Variants in GRID2 observed in about 807,000 individuals in gnomAD.
The protein encoded by GRID2 is glutamate ionotropic receptor delta type subunit 2, also known as glutamate receptor ionotropic, delta-2.
Under a neutral mutation model 114.8 loss-of-function variants are expected in GRID2, and 33 were observed. The observed-to-expected ratio is 0.29, with a 90% CI of 0.22 to 0.38. The LOEUF (loss-of-function observed/expected upper bound fraction) is 0.38, where lower values mean the gene tolerates loss of function less well. Ranked by LOEUF, GRID2 falls within the 10% of genes least tolerant of loss-of-function variation. The probability of loss-of-function intolerance (pLI) is 1.00; values close to 1 mark genes in which losing one functional copy is unlikely to be tolerated. For synonymous variants in GRID2, 505 were observed against 449.9 expected, an observed-to-expected ratio of 1.12 and a Z score of -1.55; for missense variants, 1,184 against 1,257.7, an observed-to-expected ratio of 0.94 and a Z score of 0.89.
At chr4:92,885,838 C>A (rs1176829737) in intron 2 of GRID2, among the ~76,000 whole-genome samples, 3 of 152,108 alleles carry the variant, frequency 2.0e-5, no homozygotes, top group African/African-American at 7.2e-5. Flanking sequence ...TGGAAATAGC[C>A]CAAGTGGTGG....
chr4:93,399,845 T>C (rs188067123), intron 9 of GRID2, among the ~76,000 whole-genome samples: 1 of 152,154 alleles, frequency 6.6e-6, no homozygotes, highest in East Asian at 1.9e-4. Context: ...AAAGTTAGTC[T>C]TTCAGGACAC....
At chr4:93,660,512 T>C (rs2149736464) in intron 14 of GRID2, among the ~76,000 whole-genome samples, 1 of 152,310 alleles carries the variant, frequency 6.6e-6, no homozygotes, top group East Asian at 1.9e-4. Flanking sequence ...TTGAATCTTC[T>C]GTAAAGAAAT....
chr4:93,061,133 A>AATAAATAC (rs1377593410), intron 2 of GRID2, among the ~76,000 whole-genome samples: 1 of 124,200 alleles, frequency 8.1e-6, no homozygotes, highest in Non-Finnish European at 1.7e-5. Flanking sequence ...TAAATAAATA[A>AATAAATAC]ATAAATAAAT....
intron 2 of GRID2, among the ~76,000 whole-genome samples, chr4:92,992,799 A>G (rs1475275258): frequency 6.6e-6 from 1 of 152,116 alleles, no homozygotes; most frequent in East Asian, 1.9e-4. Context: ...TATTAAACTT[A>G]TATTTGAGAT....
Position 93,110,740 on chromosome 4 carries a change from G to A in GRID2, c.530-8G>A. ...ACAGGTATTTTGATGGGCTTTTGAT[G>A]TTTCCAGATATCCGTGGAATACAGG... On this transcript the variant is annotated splice_polypyrimidine_tract_variant and splice_region_variant and intron_variant, in intron 3 of 15. Coordinates refer to ENST00000282020, the MANE Select transcript of GRID2 (RefSeq NM_001510.4). 6.3e-7 allele frequency: 1 copy of A among 1,588,478 alleles called. No individual in the cohort carries two copies. The highest frequency in any genetic ancestry group is 8.6e-7 in the Non-Finnish European group (1 of 1,156,570).
At chr4:92,599,765 G>A (rs888225232) in intron 2 of GRID2, among the ~76,000 whole-genome samples, 6 of 151,716 alleles carry the variant, frequency 4.0e-5, no homozygotes, top group African/African-American at 7.3e-5. Context: ...CGTGGCTCAC[G>A]CCTGTAATCC....
intron 8 of GRID2, among the ~76,000 whole-genome samples, chr4:93,347,813 C>T (rs1003635584): frequency 2.0e-5 from 3 of 152,138 alleles, no homozygotes; most frequent in Non-Finnish European, 2.9e-5. Context: ...CAGGCAGTTG[C>T]ACTCCAGAGT....
intron 2 of GRID2, among the ~76,000 whole-genome samples, chr4:92,650,408 A>C (rs993064109): frequency 1.3e-5 from 2 of 152,044 alleles, no homozygotes; most frequent in African/African-American, 4.8e-5. Flanking sequence ...GTAGTTTTCA[A>C]TCACCTTAAT....
intron 14 of GRID2, among the ~76,000 whole-genome samples, chr4:93,701,640 CT>C (rs1327258041): frequency 6.6e-6 from 1 of 151,790 alleles, no homozygotes; most frequent in Non-Finnish European, 1.5e-5. Context: ...AGAACATTAA[CT>C]TTTTTTTCTC....
At chr4:93,615,619 A>G (rs1053365398) in intron 13 of GRID2, among the ~76,000 whole-genome samples, 1 of 150,872 alleles carries the variant, frequency 6.6e-6, no homozygotes, top group Admixed American at 6.6e-5. Flanking sequence ...TTATGTGCTA[A>G]TAATAAAAGG....
intron 14 of GRID2, among the ~76,000 whole-genome samples, chr4:93,737,001 G>A (rs1730980920): frequency 6.6e-6 from 1 of 151,876 alleles, no homozygotes. Flanking sequence ...CAAATTTGAG[G>A]TTTCATTCTC....
chr4:93,272,587 A>AT (rs1246000078), intron 8 of GRID2, among the ~76,000 whole-genome samples: 16 of 152,174 alleles, frequency 1.1e-4, no homozygotes, highest in Non-Finnish European at 1.5e-5. Flanking sequence ...ACTATGAACT[A>AT]TTCACCGTGA....
At chr4:92,395,943 G>C (rs2110269918) in intron 1 of GRID2, among the ~76,000 whole-genome samples, 1 of 151,928 alleles carries the variant, frequency 6.6e-6, no homozygotes, top group South Asian at 2.1e-4. Flanking sequence ...TTGGTAAGTA[G>C]ATTTTGAAAT....
chr4:92,468,663 G>A (rs1270619751), intron 1 of GRID2, among the ~76,000 whole-genome samples: 1 of 152,074 alleles, frequency 6.6e-6, no homozygotes, highest in African/African-American at 2.4e-5. Flanking sequence ...TGTACAGAGA[G>A]AGTGGTCTGT....
intron 14 of GRID2, among the ~76,000 whole-genome samples, chr4:93,678,474 A>C (rs12507623): frequency 6.6e-6 from 1 of 151,766 alleles, no homozygotes; most frequent in African/African-American, 2.4e-5. Flanking sequence ...ACACATAATT[A>C]TCAGATTCAC....
chr4:93,508,128 G>A (rs1728818655), intron 12 of GRID2, among the ~76,000 whole-genome samples: 1 of 151,608 alleles, frequency 6.6e-6, no homozygotes, highest in Admixed American at 6.6e-5. Flanking sequence ...TGCACGTTGT[G>A]CACATGTACC....
chr4:93,446,707 C>T (rs1273600046), intron 10 of GRID2, among the ~76,000 whole-genome samples: 1 of 151,898 alleles, frequency 6.6e-6, no homozygotes, highest in Non-Finnish European at 1.5e-5. Flanking sequence ...GTTTGAATTT[C>T]TATGTAGACT....
At chr4:92,863,657 A>G (rs1343974228) in intron 2 of GRID2, among the ~76,000 whole-genome samples, 1 of 152,084 alleles carries the variant, frequency 6.6e-6, no homozygotes, top group Non-Finnish European at 1.5e-5. Context: ...TTTTTACTGT[A>G]CTATGAAAAA....
chr4:92,733,747 G>T (rs1736445802), intron 2 of GRID2, among the ~76,000 whole-genome samples: 1 of 152,072 alleles, frequency 6.6e-6, no homozygotes. Context: ...TAAATCAAGT[G>T]TAAGATCCTG....
Sources: allele counts gnomAD v4.1 joint callset (sites outside exome capture counted in the v4.1 genomes callset), GRCh38; gene constraint gnomAD v4.1.1; transcripts MANE v1.5; gene names NCBI Gene and HGNC (gene_info 2026-07-23, HGNC 2026-07-21).